AFDN: variants seen among roughly 807,000 people sequenced by gnomAD.
AFDN encodes the protein afadin, adherens junction formation factor.
In AFDN, 68 loss-of-function variants were observed where a neutral mutation model predicts 216.6. That is an observed-to-expected ratio of 0.31 (90% CI 0.26 to 0.38). The LOEUF (loss-of-function observed/expected upper bound fraction) is 0.38. Among genes scored for constraint, AFDN ranks in the 10% least tolerant of loss-of-function variants. The probability of loss-of-function intolerance (pLI) is 1.00; values close to 1 mark genes in which losing one functional copy is unlikely to be tolerated. For missense variants in AFDN, 2,136 were observed against 2,342.0 expected, an observed-to-expected ratio of 0.91 and a Z score of 1.82; for synonymous variants, 868 against 853.7, an observed-to-expected ratio of 1.02 and a Z score of -0.29.
At chr6:167,872,597 A>G (rs1784912018) in intron 4 of AFDN, among the ~76,000 whole-genome samples, 1 of 152,204 alleles carries the variant, frequency 6.6e-6, no homozygotes, top group African/African-American at 2.4e-5. Flanking sequence ...GTGCTTGGGA[A>G]GAATCTCTGC....
At chr6:167,829,796 T>G (rs889490798) in intron 1 of AFDN, among the ~76,000 whole-genome samples, 4 of 152,214 alleles carry the variant, frequency 2.6e-5, no homozygotes, top group Non-Finnish European at 5.9e-5. Context: ...GTGGTTTCTG[T>G]GTTTAGGAAG....
intron 23 of AFDN, among the ~76,000 whole-genome samples, chr6:167,938,516 C>T (rs1004447192): frequency 2.6e-5 from 4 of 152,112 alleles, no homozygotes; most frequent in African/African-American, 7.2e-5. Context: ...AAACTTCAAC[C>T]TATTTAAAGA....
At chr6:167,966,145 A>C (rs1797537348) in intron 32 of AFDN, 100 bp downstream of exon 32, 3 of 1,535,100 alleles carry the variant, frequency 2.0e-6, no homozygotes, top group Non-Finnish European at 2.6e-6. Context: ...CCGGCCTCCG[A>C]TGGCGTCTTT....
rs116175724 is a variant in AFDN, at chr6:167,914,990, A to T, written c.2300-178A>T. Among the ~76,000 whole-genome samples, 1,137 of 152,390 alleles carry T rather than the reference A, an allele frequency of 7.5e-3. 18 individuals carry two copies. The highest frequency in any genetic ancestry group is 0.026 in the African/African-American group (1,083 of 41,596). On this transcript the variant is annotated intron_variant, in intron 18 of 33. Transcript: ENST00000683244. ...TAATGATGTTAAGTGTAATTAGTTA[A>T]TAACTATATGTAGTTTAAGATCATG...
intron 30 of AFDN, among the ~76,000 whole-genome samples, chr6:167,956,114 C>CAAAAA (rs59521151): frequency 0.014 from 587 of 41,304 alleles, 78 homozygotes; most frequent in South Asian, 0.041. Context: ...GACTTTGGCT[C>CAAAAA]AAAAAAAAAA....
chr6:167,838,718 T>G (rs939823389), intron 1 of AFDN, among the ~76,000 whole-genome samples: 3 of 152,256 alleles, frequency 2.0e-5, no homozygotes, highest in Non-Finnish European at 4.4e-5. Flanking sequence ...TCTCTGGTGA[T>G]GAGCCTTTGT....
rs1555184 is a variant in AFDN at position 167,896,912 on chromosome 6, C to T, written c.1257C>T (p.Tyr419=). The change falls in exon 10 of 34, where the codon TAC becomes TAT. Residue 419 remains tyrosine, a synonymous_variant. Transcript: ENST00000683244. The part of the protein sequence containing the change: ...GSDSRDKPKL[Y]RLQLSVTEVG... ...ACTCTAGAGATAAGCCAAAGCTTTA[C>T]CGCCTTCAGTTAAGTGTTACTGAAG... 4.3e-6 allele frequency: 7 copies of T among 1,613,544 alleles called. No individual in the cohort carries two copies. The African/African-American group carries it at 9.3e-5, about 22-fold the overall frequency.
intron 12 of AFDN, among the ~76,000 whole-genome samples, chr6:167,905,973 C>T (rs1160455592): frequency 9.2e-5 from 14 of 152,104 alleles, no homozygotes; most frequent in Non-Finnish European, 1.0e-4. Context: ...GGCGTGGTGG[C>T]GGGCGCCTGT....
chr6:167,850,326 CTG>C (rs562176844), intron 1 of AFDN, among the ~76,000 whole-genome samples: 97 of 152,096 alleles, frequency 6.4e-4, no homozygotes, highest in Non-Finnish European at 1.1e-3. Context: ...AAAAAACTGC[CTG>C]TGTTTTAAAA....
chr6:167,831,285 G>A (rs1779805871), intron 1 of AFDN, among the ~76,000 whole-genome samples: 1 of 152,090 alleles, frequency 6.6e-6, no homozygotes, highest in Admixed American at 6.5e-5. Flanking sequence ...ATCTGTTTCT[G>A]GTGACTGATG....
intron 1 of AFDN, among the ~76,000 whole-genome samples, chr6:167,839,650 C>T (rs1780832371): frequency 6.6e-6 from 1 of 152,136 alleles, no homozygotes; most frequent in Non-Finnish European, 1.5e-5. Context: ...CCACTCAGTA[C>T]ATGTGTTCCT....
At chr6:167,834,859 G>T (rs1163071403) in intron 1 of AFDN, among the ~76,000 whole-genome samples, 2 of 152,052 alleles carry the variant, frequency 1.3e-5, no homozygotes, top group African/African-American at 2.4e-5. Context: ...GCACATACCT[G>T]TGTTCCCAGC....
intron 10 of AFDN, among the ~76,000 whole-genome samples, chr6:167,897,642 C>CTTTTTTTGTTTTTTT (rs1788431608): frequency 1.1e-5 from 1 of 89,724 alleles, no homozygotes; most frequent in African/African-American, 5.1e-5. Context: ...GACTGTATGC[C>CTTTTTTTGTTTTTTT]TTTTTTTTTT....
intron 31 of AFDN, chr6:167,965,067 G>A: frequency 9.6e-7 from 1 of 1,036,520 alleles, no homozygotes. Flanking sequence ...CTGTCTGTTA[G>A]GGAGTTTCTT....
chr6:167,926,231 A>C (rs553789424), intron 23 of AFDN, among the ~76,000 whole-genome samples: 1 of 152,170 alleles, frequency 6.6e-6, no homozygotes, highest in Non-Finnish European at 1.5e-5. Context: ...CAGCTGCTCT[A>C]ATTTGTGAAG....
At chr6:167,831,560 A>G (rs1016785028) in intron 1 of AFDN, among the ~76,000 whole-genome samples, 1 of 152,190 alleles carries the variant, frequency 6.6e-6, no homozygotes, top group Non-Finnish European at 1.5e-5. Context: ...CCAGTGAAAA[A>G]TAATTTTATT....
intron 22 of AFDN, among the ~76,000 whole-genome samples, chr6:167,924,194 T>C (rs1167976509): frequency 6.6e-6 from 1 of 152,214 alleles, no homozygotes; most frequent in Non-Finnish European, 1.5e-5. Context: ...TAAAAAGCCA[T>C]ATGTATAATT....
At chr6:167,848,442 T>A (rs1781937995) in intron 1 of AFDN, among the ~76,000 whole-genome samples, 1 of 152,222 alleles carries the variant, frequency 6.6e-6, no homozygotes, top group African/African-American at 2.4e-5. Flanking sequence ...ATAGTTTATT[T>A]AACAGCTTTG....
At chr6:167,851,232 T>A (rs1782270006) in intron 1 of AFDN, among the ~76,000 whole-genome samples, 1 of 152,252 alleles carries the variant, frequency 6.6e-6, no homozygotes, top group Non-Finnish European at 1.5e-5. Flanking sequence ...GAGATAGGTT[T>A]TTTATACACA....
Sources: gnomAD v4.1 joint callset for allele counts (sites outside exome capture counted in the v4.1 genomes callset) on GRCh38, gnomAD v4.1.1 for gene constraint, MANE v1.5 for transcripts, NCBI Gene and HGNC (gene_info 2026-07-23, HGNC 2026-07-21) for gene names.